RLIG1: variants seen among roughly 807,000 people sequenced by gnomAD.
RLIG1 encodes RNA 5'-phosphate and 3'-OH ligase 1.
chr12:88,039,791 C>G, the RLIG1 span, among the ~76,000 whole-genome samples: 11 of 152,144 alleles, frequency 7.2e-5, no homozygotes, highest in Admixed American at 7.2e-4. Context: ...TTGTTCACCT[C>G]TGTATTTCCA....
At chr12:88,037,515 C>A in the RLIG1 span, among the ~76,000 whole-genome samples, 11 of 152,214 alleles carry the variant, frequency 7.2e-5, no homozygotes, top group South Asian at 2.1e-4. Context: ...TCTTCCCCCC[C>A]ACATAGGATC....
the RLIG1 span, chr12:88,045,895 G>A: frequency 2.6e-6 from 2 of 763,322 alleles, no homozygotes; most frequent in Admixed American, 2.9e-5. Flanking sequence ...ATTTGAGTTA[G>A]TTTCCTAGGA....
the RLIG1 span, among the ~76,000 whole-genome samples, chr12:88,039,346 T>C: frequency 6.6e-6 from 1 of 152,156 alleles, no homozygotes; most frequent in Non-Finnish European, 1.5e-5. Context: ...ATGTTTGTGC[T>C]TATAAAACAG....
At chr12:88,044,536 C>T in the RLIG1 span, 1 of 152,160 alleles carries the variant, frequency 6.6e-6, no homozygotes. Flanking sequence ...CCTCAATGAT[C>T]TTTAATTAGA....
At chr12:88,040,645 G>C in the RLIG1 span, among the ~76,000 whole-genome samples, 2 of 152,146 alleles carry the variant, frequency 1.3e-5, no homozygotes, top group East Asian at 3.9e-4. Context: ...CTATGTTCGT[G>C]TGACCCTTAA....
the RLIG1 span, among the ~76,000 whole-genome samples, chr12:88,047,391 C>T: frequency 6.6e-6 from 1 of 152,086 alleles, no homozygotes; most frequent in African/African-American, 2.4e-5. Flanking sequence ...GTCTCCTGGA[C>T]TTGTCTGTTT....
At chr12:88,036,058 G>A in the RLIG1 span, 1 of 1,411,496 alleles carries the variant, frequency 7.1e-7, no homozygotes. Context: ...ACCTTTTGGG[G>A]AAACCCCCTA....
the RLIG1 span, chr12:88,045,780 G>A: frequency 6.2e-7 from 1 of 1,609,042 alleles, no homozygotes; most frequent in Non-Finnish European, 8.5e-7. Flanking sequence ...AACCCATATG[G>A]TGAGTGAAGA....
At chr12:88,045,895 G>T in the RLIG1 span, 1 of 763,204 alleles carries the variant, frequency 1.3e-6, no homozygotes, top group African/African-American at 1.8e-5. Flanking sequence ...ATTTGAGTTA[G>T]TTTCCTAGGA....
the RLIG1 span, chr12:88,043,560 T>C: frequency 1.5e-6 from 2 of 1,361,104 alleles, no homozygotes; most frequent in Admixed American, 2.3e-5. Context: ...GTTTTTTAAG[T>C]ATCACCACAT....
At chr12:88,040,318 C>G in the RLIG1 span, 1 of 1,058,610 alleles carries the variant, frequency 9.4e-7, no homozygotes, top group Non-Finnish European at 1.4e-6. Flanking sequence ...TTCTTAATCA[C>G]TTTACAGTCT....
At chr12:88,040,323 C>A in the RLIG1 span, 1 of 1,036,744 alleles carries the variant, frequency 9.6e-7, no homozygotes, top group South Asian at 1.6e-5. Flanking sequence ...AATCACTTTA[C>A]AGTCTATCTG....
At chr12:88,046,753 A>G in the RLIG1 span, 1 of 1,474,768 alleles carries the variant, frequency 6.8e-7, no homozygotes, top group East Asian at 2.3e-5. Context: ...TACGTTTTCT[A>G]GTTCTGAAAG....
the RLIG1 span, chr12:88,035,850 C>A: frequency 6.5e-7 from 1 of 1,528,524 alleles, no homozygotes; most frequent in Non-Finnish European, 8.8e-7. Context: ...GCCCTGCAGG[C>A]CAGGAACCTC....
At chr12:88,037,237 C>A in the RLIG1 span, among the ~76,000 whole-genome samples, 2 of 152,152 alleles carry the variant, frequency 1.3e-5, no homozygotes, top group East Asian at 3.9e-4. Context: ...AGTTCTTCTC[C>A]ATAAAATCTT....
the RLIG1 span, chr12:88,045,602 A>G: frequency 3.1e-6 from 5 of 1,611,700 alleles, no homozygotes; most frequent in African/African-American, 1.3e-5. Flanking sequence ...AGTAGAGAAA[A>G]ACAACAAACA....
the RLIG1 span, among the ~76,000 whole-genome samples, chr12:88,036,819 G>A: frequency 6.6e-6 from 1 of 151,738 alleles, no homozygotes; most frequent in African/African-American, 2.4e-5. Context: ...ATTACTCAAT[G>A]TTTGTAGCAG....
chr12:88,046,690 C>G, the RLIG1 span: 1 of 956,406 alleles, frequency 1.0e-6, no homozygotes, highest in South Asian at 1.7e-5. Context: ...AGGAAACCAA[C>G]CAGCCTTTCT....
the RLIG1 span, among the ~76,000 whole-genome samples, chr12:88,040,616 G>A: frequency 6.6e-6 from 1 of 152,116 alleles, no homozygotes; most frequent in African/African-American, 2.4e-5. Context: ...TGACTGAATG[G>A]CTGAACTGGC....
Sources: gnomAD v4.1 joint callset for allele counts (sites outside exome capture counted in the v4.1 genomes callset) on GRCh38, gnomAD v4.1.1 for gene constraint, MANE v1.5 for transcripts, NCBI Gene and HGNC (gene_info 2026-07-23, HGNC 2026-07-21) for gene names.